IQGAP3: variants seen among roughly 807,000 people sequenced by gnomAD.
IQGAP3 encodes the protein IQ motif containing GTPase activating protein 3, also known as ras GTPase-activating-like protein IQGAP3.
Under a neutral mutation model 208.2 loss-of-function variants are expected in IQGAP3, and 165 were observed. That is an observed-to-expected ratio of 0.79 (90% CI 0.70 to 0.90). IQGAP3 has a LOEUF of 0.90. IQGAP3 is among the 40% of genes least tolerant of loss of function. The probability of loss-of-function intolerance (pLI) is 0.00; values close to 1 mark genes in which losing one functional copy is unlikely to be tolerated. For synonymous variants in IQGAP3, 703 were observed against 803.6 expected, an observed-to-expected ratio of 0.87 and a Z score of 2.12; for missense variants, 1,811 against 2,043.1, an observed-to-expected ratio of 0.89 and a Z score of 2.19.
At chr1:156,532,829 G>A (rs961948949) in intron 32 of IQGAP3, 151 bp downstream of exon 32, 14 of 727,410 alleles carry the variant, frequency 1.9e-5, no homozygotes, top group South Asian at 3.7e-5. Context: ...AGGCTGCAGC[G>A]AGGGGAATAA....
chr1:156,548,637 C>T lies in IQGAP3; in HGVS notation c.1937G>A (p.Cys646Tyr). 6.2e-7 allele frequency: 1 copy of T among 1,611,568 alleles called. No individual in the cohort carries two copies. The highest frequency in any genetic ancestry group is 8.5e-7 in the Non-Finnish European group (1 of 1,178,352). The change falls in exon 17 of 38, where the codon TGT (cysteine) becomes TAT (tyrosine). Residue 646 changes from cysteine (C) to tyrosine (Y), a missense_variant. Cys to Tyr is a radical substitution (Grantham distance 194). Transcript: ENST00000361170. ...CAGGGCTCGCTGGTAGCCGTTGGCA[C>T]AGTCGGGAACTACCCCTCGAAGGGC... ...AVALRGVVPD[C>Y]ANGYQRALES...
intron 24 of IQGAP3, 89 bp downstream of exon 24, chr1:156,539,749 A>G (rs376823985): frequency 1.0e-5 from 15 of 1,450,602 alleles, no homozygotes; most frequent in Middle Eastern, 1.8e-4. Context: ...GACACCTTGC[A>G]TGGTGCCAAA....
rs1381390404 is a variant in IQGAP3 at position 156,564,659 on chromosome 1, G to A, written c.393C>T (p.Asp131=). Residue 131 remains aspartate (D), a synonymous_variant, in exon 5 of 38, where the codon GAC becomes GAT. Transcript: ENST00000361170. ...TFFPETTDIY[D]KKNMPRVVYC... is the part of the protein sequence containing the mutation. ...AGACTACCCGGGGCATGTTCTTTTTGTCATAGATGTCCGTGGTCTCTGGGA... is the reference window on the plus strand; with the variant it reads ...AGACTACCCGGGGCATGTTCTTTTTATCATAGATGTCCGTGGTCTCTGGGA... The A allele has an allele frequency of 6.2e-7, 1 of 1,613,878 alleles. No individual in the cohort carries two copies. The highest frequency in any genetic ancestry group is 1.1e-5 in the South Asian group (1 of 91,066).
rs1446024792 is a variant in IQGAP3 at position 156,535,127 on chromosome 1, G to C, written c.3507+36C>G. On this transcript the variant is annotated intron_variant, in intron 28 of 37. Coordinates refer to ENST00000361170, the MANE Select transcript of IQGAP3 (RefSeq NM_178229.5). ...TTGCAGGTACCAGCAAAGCAAAGGAGGGATTGGGAGGTGGGGGTGGGGAGA... is the reference window on the plus strand; with the variant it reads ...TTGCAGGTACCAGCAAAGCAAAGGACGGATTGGGAGGTGGGGGTGGGGAGA... 4 of 1,446,840 alleles carry C rather than the reference G, an allele frequency of 2.8e-6. No individual in the cohort carries two copies. The African/African-American group carries it at 4.2e-5, about 15-fold the overall frequency. The allele number at this position is 1,446,840 out of a possible 1,614,324, so 89.6% of individuals were successfully genotyped here. A position where few individuals can be genotyped will look rare whatever the true frequency, so the allele number is the denominator to read the frequency against.
At chr1:156,564,521 C>T in intron 5 of IQGAP3, 94 bp downstream of exon 5, 1 of 854,538 alleles carries the variant, frequency 1.2e-6, no homozygotes, top group Admixed American at 1.7e-5. Context: ...CTGTGGTCTA[C>T]CCTTCATCCT....
chr1:156,539,566 C>T, intron 24 of IQGAP3, 29 bp from the exon 25 acceptor site: 1 of 1,611,292 alleles, frequency 6.2e-7, no homozygotes, highest in Non-Finnish European at 8.5e-7. Context: ...ACAGGAATGG[C>T]TGACCATGCA....
rs1157804194 is a variant in IQGAP3 at position 156,539,449 on chromosome 1, T to C, written c.2981A>G (p.Tyr994Cys). 6.2e-7 allele frequency: 1 copy of C among 1,614,154 alleles called. No homozygotes were observed. Among genetic ancestry groups the C allele is most frequent in the Non-Finnish European group, 8.5e-7 (1 of 1,180,014 alleles). Residue 994 changes from tyrosine (Y) to cysteine (C), a missense_variant, in exon 25 of 38, where the codon TAC becomes TGC. By Grantham distance (194) the Tyr-to-Cys change is radical (BLOSUM62 -2). Coordinates refer to ENST00000361170, the MANE Select transcript of IQGAP3 (RefSeq NM_178229.5). ...KFMEAVIFSL[Y>C]NYASSRREAY... is the part of the protein sequence containing the mutation. Reference sequence around the variant, plus strand: ...CTCTCGGCGGCTGGAGGCATAGTTGTACAGGCTGAAAATCACTGCCTCCAT... The same window carrying C: ...CTCTCGGCGGCTGGAGGCATAGTTGCACAGGCTGAAAATCACTGCCTCCAT...
chr1:156,536,249 G>A (rs1674676487), intron 27 of IQGAP3, among the ~76,000 whole-genome samples: 1 of 151,902 alleles, frequency 6.6e-6, no homozygotes. Context: ...GTGAGACCCT[G>A]TCTTAAAAAT....
At position 156,552,085 on chromosome 1, in the gene IQGAP3, C is replaced by T. The variant is rs761589936; in HGVS notation, c.1459G>A (p.Ala487Thr). The stretch of plus-strand genomic sequence containing the variant: ...CGCTCCTGTCGCAATTTCAGCAGGG[C>T]ATCGAAGTAACTGGCAGTGGGGTGA... ...EGENAQRYFD[A>T]LLKLRQERGM... Residue 487 changes from alanine to threonine, a missense_variant, in exon 14 of 38, where the codon GCC (alanine) becomes ACC (threonine). Ala to Thr is a moderately conservative substitution (Grantham distance 58, BLOSUM62 0). Transcript: ENST00000361170. 1.2e-6 allele frequency: 2 copies of T among 1,614,018 alleles called. No individual in the cohort carries two copies. The highest frequency in any genetic ancestry group is 1.7e-6 in the Non-Finnish European group (2 of 1,179,938).
At chr1:156,530,723 C>T (rs957178475) in intron 33 of IQGAP3, among the ~76,000 whole-genome samples, 9 of 152,208 alleles carry the variant, frequency 5.9e-5, no homozygotes, top group African/African-American at 2.2e-4. Context: ...CTCTACTGGC[C>T]ATCCCCACCT....
chr1:156,530,002 G>A, intron 34 of IQGAP3, 103 bp downstream of exon 34: 1 of 872,230 alleles, frequency 1.1e-6, no homozygotes. Context: ...TTTGGGTGAG[G>A]ACTCATCAGG....
chr1:156,547,380 G>C (rs1027799693), intron 19 of IQGAP3, among the ~76,000 whole-genome samples: 48 of 83,546 alleles, frequency 5.7e-4, no homozygotes, highest in African/African-American at 2.0e-3. Flanking sequence ...CACAGACACA[G>C]ACACACAGAC....
At chr1:156,571,641 G>A (rs1454133899) in intron 1 of IQGAP3, among the ~76,000 whole-genome samples, 1 of 152,192 alleles carries the variant, frequency 6.6e-6, no homozygotes, top group African/African-American at 2.4e-5. Context: ...TGTGGGCGAT[G>A]GGAGGGATTT....
At chr1:156,552,171 G>A (rs1182561958) in intron 13 of IQGAP3, 76 bp from the exon 14 acceptor site, 7 of 1,549,714 alleles carry the variant, frequency 4.5e-6, no homozygotes, top group Admixed American at 1.8e-5. Context: ...ACAGTTGAAC[G>A]ATTTTCTTCA....
intron 36 of IQGAP3, 123 bp from the exon 37 acceptor site, chr1:156,528,183 C>A: frequency 1.4e-6 from 1 of 732,862 alleles, no homozygotes; most frequent in Non-Finnish European, 2.4e-6. Flanking sequence ...TTCCCTCTGT[C>A]ACTCCCAGAG....
chr1:156,526,387 C>T lies in IQGAP3; in HGVS notation c.*99G>A. ...GAGAATCCCTGGGCCTTGCCCAGTC[C>T]TGAGCTCTAGGTGTCTGCAGGGAAG... is the stretch of plus-strand genomic sequence containing the variant. On this transcript the variant is annotated 3_prime_UTR_variant, in exon 38 of 38. Coordinates refer to ENST00000361170, the MANE Select transcript of IQGAP3 (RefSeq NM_178229.5). 1.2e-6 allele frequency: 1 copy of T among 825,244 alleles called. No homozygotes were observed. Among genetic ancestry groups the T allele is most frequent in the South Asian group, 1.5e-5 (1 of 68,228 alleles). The allele number at this position is 825,244 out of a possible 1,614,324, so 51.1% of individuals were successfully genotyped here. A position where few individuals can be genotyped will look rare whatever the true frequency, so the allele number is the denominator to read the frequency against.
At chr1:156,538,702 A>C in intron 26 of IQGAP3, 107 bp downstream of exon 26, 1 of 875,080 alleles carries the variant, frequency 1.1e-6, no homozygotes, top group South Asian at 1.5e-5. Context: ...ATGCCCATTT[A>C]TATGCCACCT....
At chr1:156,552,131 A>G in intron 13 of IQGAP3, 36 bp from the exon 14 acceptor site, 1 of 1,604,028 alleles carries the variant, frequency 6.2e-7, no homozygotes, top group South Asian at 1.1e-5. Flanking sequence ...GGTGAGTAGC[A>G]TGTGAATCAT....
intron 1 of IQGAP3, among the ~76,000 whole-genome samples, chr1:156,570,508 A>T (rs1676600563): frequency 6.6e-6 from 1 of 152,212 alleles, no homozygotes; most frequent in Admixed American, 6.5e-5. Flanking sequence ...CCTGGACAAC[A>T]GAGATATTGG....
Sources: gnomAD v4.1 joint callset for allele counts (sites outside exome capture counted in the v4.1 genomes callset) on GRCh38, gnomAD v4.1.1 for gene constraint, MANE v1.5 for transcripts, NCBI Gene and HGNC (gene_info 2026-07-23, HGNC 2026-07-21) for gene names.